QKI: variants seen among roughly 807,000 people sequenced by gnomAD.
QKI encodes the protein QKI, KH domain containing RNA binding, also known as KH domain-containing RNA-binding protein QKI.
A neutral mutation model predicts 39.0 loss-of-function variants in QKI; 10 were observed. The ratio of observed to expected loss-of-function variants is 0.26; its 90% CI spans 0.16 to 0.43. The LOEUF (loss-of-function observed/expected upper bound fraction) is 0.43, where lower values mean the gene tolerates loss of function less well. Among genes scored for constraint, QKI ranks in the 20% least tolerant of loss-of-function variants. The pLI is 1.00. For missense variants in QKI, 218 were observed against 428.0 expected, an observed-to-expected ratio of 0.51 and a Z score of 4.33; for synonymous variants, 204 against 155.4, an observed-to-expected ratio of 1.31 and a Z score of -2.33.
intron 1 of QKI, among the ~76,000 whole-genome samples, chr6:163,433,224 A>G (rs562658642): frequency 1.3e-5 from 2 of 152,308 alleles, no homozygotes; most frequent in African/African-American, 2.4e-5. Context: ...GTAACTGCAG[A>G]TAGGTCTCAA....
intron 2 of QKI, among the ~76,000 whole-genome samples, chr6:163,466,368 T>C (rs1479040212): frequency 6.6e-6 from 1 of 152,162 alleles, no homozygotes; most frequent in Non-Finnish European, 1.5e-5. Context: ...AAAATTCCAT[T>C]GGCATTTTTC....
At chr6:163,536,272 CTG>C (rs987956262) in intron 4 of QKI, among the ~76,000 whole-genome samples, 7 of 152,124 alleles carry the variant, frequency 4.6e-5, no homozygotes, top group African/African-American at 1.2e-4. Flanking sequence ...TATTGAAAAA[CTG>C]TATAGAAAAG....
chr6:163,504,422 G>A (rs563212561), intron 3 of QKI, among the ~76,000 whole-genome samples: 5 of 152,130 alleles, frequency 3.3e-5, no homozygotes, highest in East Asian at 1.9e-4. Context: ...GATAGAAATA[G>A]CGTTCAATCT....
At chr6:163,556,894 G>A (rs6915873) in intron 4 of QKI, among the ~76,000 whole-genome samples, 96 of 152,278 alleles carry the variant, frequency 6.3e-4, no homozygotes, top group Middle Eastern at 3.4e-3. Flanking sequence ...GACATTCTTT[G>A]TTGTGCTTTA....
chr6:163,573,150 A>G lies in QKI; in HGVS notation c.*2440A>G, dbSNP rs977703072. The G allele has an allele frequency of 1.3e-5, 2 of 152,214 alleles. No individual in the cohort carries two copies. The highest frequency in any genetic ancestry group is 2.9e-5 in the Non-Finnish European group (2 of 68,036). 9.4% of individuals were successfully genotyped at this position (152,214 alleles called of 1,614,324 possible). ...CATTTATAGGGAATGTTGGCTCTGA[A>G]CAAACTTTTGAAAACTTGGTTGACA... On this transcript the variant is annotated 3_prime_UTR_variant, in exon 8 of 8. Coordinates refer to ENST00000361752, the MANE Select transcript of QKI (RefSeq NM_006775.3).
chr6:163,447,249 ATTTTTT>A (rs4038332), intron 1 of QKI, among the ~76,000 whole-genome samples: 21 of 120,188 alleles, frequency 1.7e-4, no homozygotes, highest in Middle Eastern at 4.8e-3. Flanking sequence ...GGTGCACGTG[ATTTTTT>A]TTTTTTTTTT....
intron 3 of QKI, among the ~76,000 whole-genome samples, chr6:163,518,186 GA>G (rs1211036317): frequency 3.3e-5 from 5 of 152,156 alleles, no homozygotes. Flanking sequence ...GCTGGCTAGG[GA>G]AATCTTGTTT....
chr6:163,570,449 T>G (rs1056552261), intron 7 of QKI: 31 of 979,024 alleles, frequency 3.2e-5, no homozygotes, highest in African/African-American at 2.1e-4. Flanking sequence ...AACCAGTTTT[T>G]TTTTTTTTTT....
intron 4 of QKI, among the ~76,000 whole-genome samples, chr6:163,541,381 G>A (rs1358297938): frequency 6.6e-6 from 1 of 151,848 alleles, no homozygotes; most frequent in African/African-American, 2.4e-5. Flanking sequence ...GGTCTGTTTT[G>A]ATGAATGTTT....
chr6:163,550,952 A>C (rs955942779), intron 4 of QKI, among the ~76,000 whole-genome samples: 1 of 151,340 alleles, frequency 6.6e-6, no homozygotes, highest in Non-Finnish European at 1.5e-5. Context: ...GTCTCACAAA[A>C]AAAAAAAAAA....
At chr6:163,517,096 TCTCTCTAG>T (rs1194378882) in intron 3 of QKI, among the ~76,000 whole-genome samples, 31 of 150,934 alleles carry the variant, frequency 2.1e-4, no homozygotes, top group African/African-American at 7.6e-4. Flanking sequence ...TCTCTCTCTC[TCTCTCTAG>T]CTCTCTCTAG....
intron 2 of QKI, among the ~76,000 whole-genome samples, chr6:163,468,920 TC>T (rs939644157): frequency 1.1e-4 from 16 of 152,140 alleles, no homozygotes; most frequent in African/African-American, 3.9e-4. Context: ...TTTTTTTTTT[TC>T]TTCATTCTCT....
chr6:163,572,338 G>A lies in QKI; in HGVS notation c.*1628G>A, dbSNP rs1783738669. The A allele has an allele frequency of 6.6e-6, 1 of 152,028 alleles. No individual in the cohort carries two copies. The highest frequency in any genetic ancestry group is 6.5e-5 in the Admixed American group (1 of 15,270). 9.4% of individuals were successfully genotyped at this position (152,028 alleles called of 1,614,324 possible). On this transcript the variant is annotated 3_prime_UTR_variant, in exon 8 of 8. Transcript: ENST00000361752. Reference sequence around the variant, plus strand: ...AATGTTTTCACAAAAGTGAATCTTTGTGATTTTCATTCTAGAAAACAATGT... The same window carrying A: ...AATGTTTTCACAAAAGTGAATCTTTATGATTTTCATTCTAGAAAACAATGT...
chr6:163,502,714 A>G (rs1055857698), intron 3 of QKI, among the ~76,000 whole-genome samples: 1 of 152,150 alleles, frequency 6.6e-6, no homozygotes, highest in Admixed American at 6.5e-5. Context: ...GTGGTATTCC[A>G]TGGTATGTAT....
At chr6:163,515,167 G>C (rs765341841) in intron 3 of QKI, among the ~76,000 whole-genome samples, 1 of 152,110 alleles carries the variant, frequency 6.6e-6, no homozygotes, top group Non-Finnish European at 1.5e-5. Flanking sequence ...TCAAGCGAAT[G>C]CACCTTTATA....
intron 2 of QKI, among the ~76,000 whole-genome samples, chr6:163,466,121 C>T (rs574429676): frequency 3.4e-4 from 50 of 148,536 alleles, no homozygotes; most frequent in African/African-American, 1.2e-3. Context: ...GAGCGAAACT[C>T]CATCTCAAAA....
At chr6:163,510,447 G>A (rs996214559) in intron 3 of QKI, among the ~76,000 whole-genome samples, 2 of 150,962 alleles carry the variant, frequency 1.3e-5, no homozygotes, top group Non-Finnish European at 3.0e-5. Context: ...TATAACCCCA[G>A]CTACTTGGGA....
intron 3 of QKI, among the ~76,000 whole-genome samples, chr6:163,525,617 G>A (rs1408694628): frequency 3.3e-5 from 5 of 151,926 alleles, no homozygotes; most frequent in African/African-American, 1.2e-4. Context: ...TCCCCGCCTC[G>A]GCCACCCAAA....
intron 1 of QKI, among the ~76,000 whole-genome samples, chr6:163,417,927 G>A (rs968420886): frequency 6.6e-6 from 1 of 152,084 alleles, no homozygotes; most frequent in African/African-American, 2.4e-5. Flanking sequence ...TGTTAGCCTT[G>A]TTATAAACTT....
Sources: allele counts gnomAD v4.1 joint callset (sites outside exome capture counted in the v4.1 genomes callset), GRCh38; gene constraint gnomAD v4.1.1; transcripts MANE v1.5; gene names NCBI Gene and HGNC (gene_info 2026-07-23, HGNC 2026-07-21).